ESAM: variants seen among roughly 807,000 people sequenced by gnomAD.
ESAM encodes the protein endothelial cell-selective adhesion molecule.
ESAM carries 23 observed loss-of-function variants against 31.8 expected under a neutral mutation model. The ratio of observed to expected loss-of-function variants is 0.72; its 90% CI spans 0.52 to 1.03. The LOEUF is 1.03. ESAM is among the 50% of genes least tolerant of loss of function. The pLI, the probability that ESAM is intolerant of heterozygous loss-of-function variation, is 0.00. For synonymous variants in ESAM, 216 were observed against 207.2 expected, an observed-to-expected ratio of 1.04 and a Z score of -0.37; for missense variants, 478 against 488.9, an observed-to-expected ratio of 0.98 and a Z score of 0.21.
chr11:124,753,598 A>AT lies in ESAM; in HGVS notation c.*47dup, dbSNP rs1463258758. On this transcript the variant is annotated 3_prime_UTR_variant, in exon 7 of 7. Transcript: ENST00000278927. ...GGCCTCTGTGCTAGAGGTGACCCTT[A>AT]TAGGAAGGAGAGACCCCAAATCCTT... is the stretch of plus-strand genomic sequence containing the variant. The AT allele has an allele frequency of 6.2e-7, 1 of 1,604,660 alleles. No homozygotes were observed. The highest frequency in any genetic ancestry group is 1.3e-5 in the African/African-American group (1 of 74,792).
rs1944138019 is a variant in ESAM at position 124,754,894 on chromosome 11, G to A, written c.608-131C>T. 8.1e-7 allele frequency: 1 copy of A among 1,231,516 alleles called. No individual in the cohort carries two copies. The highest frequency in any genetic ancestry group is 1.1e-6 in the Non-Finnish European group (1 of 905,856). The allele number at this position is 1,231,516 out of a possible 1,614,324, so 76.3% of individuals were successfully genotyped here. ...ACGGCTTGTCTATTCCCTGATGGGG[G>A]GAGAGGTGTGACAGCTGGGCTTGGC... On this transcript the variant is annotated intron_variant, in intron 4 of 6. Transcript: ENST00000278927. This position sits in a 1 kb window ranked among gnomAD's most constrained non-coding sequence, Gnocchi z 4.5.
At chr11:124,755,889 T>C (rs901049817) in intron 4 of ESAM, among the ~76,000 whole-genome samples, 1 of 152,210 alleles carries the variant, frequency 6.6e-6, no homozygotes, top group Non-Finnish European at 1.5e-5. Flanking sequence ...TTCAAGCTGA[T>C]ATGTGTAAAA....
Position 124,758,467 on chromosome 11 carries a change from T to A in ESAM, c.131A>T (p.Glu44Val). 1 of 1,612,048 alleles carries A rather than the reference T, an allele frequency of 6.2e-7. No individual in the cohort carries two copies. The highest frequency in any genetic ancestry group is 8.5e-7 in the Non-Finnish European group (1 of 1,179,100). The change falls in exon 2 of 7, where the codon GAG becomes GTG. Residue 44 changes from glutamate to valine, a missense_variant. Coordinates refer to ENST00000278927, the MANE Select transcript of ESAM (RefSeq NM_138961.3). ...CGCTGGAAGCACCACTTCCCCTCCC[T>A]CCACCGCCTGCAACCGGTTGGCGGG... ...HLPANRLQAVEGGEVVLPAWY... is the reference protein window; with the variant it reads ...HLPANRLQAVVGGEVVLPAWY...
Position 124,756,466 on chromosome 11 carries a change from T to G in ESAM, c.451+75A>C. The G allele has an allele frequency of 1.9e-6, 3 of 1,589,836 alleles. No homozygotes were observed. The South Asian group carries it at 3.4e-5, about 18-fold the overall frequency. ...CTTCATTTGTTCCTCCTCCAACTTT[T>G]GTCATTTAGGAGAGAGACTCACCAG... On this transcript the variant is annotated intron_variant, in intron 3 of 6. Coordinates refer to ENST00000278927, the MANE Select transcript of ESAM (RefSeq NM_138961.3).
chr11:124,756,256 C>T lies in ESAM; in HGVS notation c.558G>A (p.Gln186=), dbSNP rs1944152646. ...SPRSKPAVQY[Q]WDRQLPSFQT... is the part of the protein sequence containing the mutation. The stretch of plus-strand genomic sequence containing the variant: ...GGAAGGATGGAAGCTGCCGATCCCA[C>T]TGGTATTGGACAGCGGGCTTACTCC... The change falls in exon 4 of 7, where the codon CAG becomes CAA. Residue 186 remains glutamine (Q), a synonymous_variant. Transcript: ENST00000278927. 6.2e-7 allele frequency: 1 copy of T among 1,614,200 alleles called. No individual in the cohort carries two copies. The highest frequency in any genetic ancestry group is 8.5e-7 in the Non-Finnish European group (1 of 1,180,038).
At chr11:124,758,109 G>C (rs776544534) in intron 2 of ESAM, among the ~76,000 whole-genome samples, 5 of 152,148 alleles carry the variant, frequency 3.3e-5, no homozygotes, top group Non-Finnish European at 7.4e-5. Flanking sequence ...CAAGTAAAAT[G>C]CCTCTCACAC....
At position 124,754,305 on chromosome 11, in the gene ESAM, C is replaced by A; in HGVS notation, c.766G>T (p.Gly256Cys). The A allele has an allele frequency of 6.2e-7, 1 of 1,614,086 alleles. No homozygotes were observed. ...GAAVVAGAVV[G>C]TLVGLGLLAG... ...AGCAACCCCAGTCCAACCAGGGTACCCACAACAGCTCCAGCAACCACTGCA... is the reference window on the plus strand; with the variant it reads ...AGCAACCCCAGTCCAACCAGGGTACACACAACAGCTCCAGCAACCACTGCA... Residue 256 changes from glycine to cysteine, a missense_variant, in exon 6 of 7, where the codon GGT becomes TGT. Physicochemically the swap from Gly to Cys is radical, Grantham distance 159. Transcript: ENST00000278927. The surrounding 1 kb of genome is among the most constrained non-coding windows in gnomAD (Gnocchi z 4.5).
At position 124,756,611 on chromosome 11, in the gene ESAM, G is replaced by A. The variant is rs545657734; in HGVS notation, c.381C>T (p.Ser127=). The A allele has an allele frequency of 8.1e-6, 13 of 1,614,042 alleles. No individual in the cohort carries two copies. Among genetic ancestry groups the A allele is most frequent in the Middle Eastern group, 1.7e-4 (1 of 6,060 alleles). ...TGCCTTGTTTGTCTTGCACATTCAC[G>A]GAGCAGCTGTAGGGGCCAGAGTCTT... ...QEKDSGPYSC[S]VNVQDKQGKS... The change falls in exon 3 of 7, where the codon TCC becomes TCT. Residue 127 remains serine (S), a synonymous_variant. Coordinates refer to ENST00000278927, the MANE Select transcript of ESAM (RefSeq NM_138961.3).
rs1461363145 is a variant in ESAM at position 124,756,347 on chromosome 11, G to A, written c.467C>T (p.Pro156Leu). 9 of 1,604,212 alleles carry A rather than the reference G, an allele frequency of 5.6e-6. No individual in the cohort carries two copies. In the Admixed American group the frequency reaches 1.6e-4, roughly 28 times the overall value. Residue 156 changes from proline (P) to leucine (L), a missense_variant, in exon 4 of 7, where the codon CCA (proline) becomes CTA (leucine). Coordinates refer to ENST00000278927, the MANE Select transcript of ESAM (RefSeq NM_138961.3). ...GGGCACACCCTGGAGACGGCAGGAT[G>A]GAGGAGCTGGAGGAACTGGGCAGGG... ...ELNVLVPPAP[P>L]SCRLQGVPHV...
Position 124,754,519 on chromosome 11 carries a change from T to G in ESAM, c.730+122A>C. ...CTGACCAACCATTTGTACAAACATTTGATCAGGGGAAGCTCCGTGCCCTGC... is the reference window on the plus strand; with the variant it reads ...CTGACCAACCATTTGTACAAACATTGGATCAGGGGAAGCTCCGTGCCCTGC... On this transcript the variant is annotated intron_variant, in intron 5 of 6. Transcript: ENST00000278927. The surrounding 1 kb of genome is among the most constrained non-coding windows in gnomAD (Gnocchi z 4.5). The G allele has an allele frequency of 1.3e-6, 2 of 1,511,844 alleles. No homozygotes were observed. Among genetic ancestry groups the G allele is most frequent in the South Asian group, 1.3e-5 (1 of 75,808 alleles). 93.7% of individuals were successfully genotyped at this position (1,511,844 alleles called of 1,614,324 possible). A position where few individuals can be genotyped will look rare whatever the true frequency, so the allele number is the denominator to read the frequency against.
chr11:124,758,253 C>T, intron 2 of ESAM, 96 bp downstream of exon 2: 1 of 1,438,582 alleles, frequency 7.0e-7, no homozygotes, highest in Non-Finnish European at 9.7e-7. Context: ...TCCCCGGCCC[C>T]CATTCCCTCT....
chr11:124,761,640 C>G (rs1429070258), intron 1 of ESAM, among the ~76,000 whole-genome samples: 1 of 152,160 alleles, frequency 6.6e-6, no homozygotes, highest in African/African-American at 2.4e-5. Context: ...GTGTGTCAAG[C>G]CTGGGGACCA....
In ESAM at chr11:124,754,891, G is replaced by GGGGGAGA. The variant is rs566013263; in HGVS notation, c.608-135_608-129dup. Reference sequence around the variant, plus strand: ...GTCACGGCTTGTCTATTCCCTGATGGGGGGAGAGGTGTGACAGCTGGGCTT... The same window carrying GGGGGAGA: ...GTCACGGCTTGTCTATTCCCTGATGGGGGGAGAGGGGAGAGGTGTGACAGCTGGGCTT... On this transcript the variant is annotated intron_variant, in intron 4 of 6. Transcript: ENST00000278927. The surrounding 1 kb of genome is among the most constrained non-coding windows in gnomAD (Gnocchi z 4.5). The GGGGGAGA allele has an allele frequency of 4.0e-5, 50 of 1,263,010 alleles. No homozygotes were observed. The East Asian group carries it at 6.3e-4, about 16-fold the overall frequency. The allele number at this position is 1,263,010 out of a possible 1,614,324, so 78.2% of individuals were successfully genotyped here. A position where few individuals can be genotyped will look rare whatever the true frequency, so the allele number is the denominator to read the frequency against.
At position 124,753,970 on chromosome 11, in the gene ESAM, CA is replaced by C; in HGVS notation, c.858-10del. 6.2e-7 allele frequency: 1 copy of C among 1,612,154 alleles called. No homozygotes were observed. Among genetic ancestry groups the C allele is most frequent in the African/African-American group, 1.3e-5 (1 of 74,994 alleles). On this transcript the variant is annotated splice_polypyrimidine_tract_variant and intron_variant, in intron 6 of 6. Coordinates refer to ENST00000278927, the MANE Select transcript of ESAM (RefSeq NM_138961.3). ...GAGCAATGGCATCCTCCCTAGTCATCAAAGAAATAACAAGAGGTCAGAAGTG... is the reference window on the plus strand; with the variant it reads ...GAGCAATGGCATCCTCCCTAGTCATCAAGAAATAACAAGAGGTCAGAAGTG...
At position 124,756,376 on chromosome 11, in the gene ESAM, G is replaced by A; in HGVS notation, c.452-14C>T. ...GAGCTGGAGGAACTGGGCAGGGGGA[G>A]ACAGATTAAAACCACACCCAGGAGA... On this transcript the variant is annotated splice_polypyrimidine_tract_variant and intron_variant, in intron 3 of 6. Coordinates refer to ENST00000278927, the MANE Select transcript of ESAM (RefSeq NM_138961.3). 6.3e-7 allele frequency: 1 copy of A among 1,591,250 alleles called. No homozygotes were observed. The highest frequency in any genetic ancestry group is 8.6e-7 in the Non-Finnish European group (1 of 1,168,262).
Position 124,756,704 on chromosome 11 carries a change from A to G in ESAM, c.288T>C (p.Pro96=). The G allele has an allele frequency of 6.2e-7, 1 of 1,614,132 alleles. No individual in the cohort carries two copies. Among genetic ancestry groups the G allele is most frequent in the Non-Finnish European group, 8.5e-7 (1 of 1,180,036 alleles). ...GCATGGAGTAGACCAAGGATACTCC[A>G]GGTTTGCTTGTTGTGACCCCATTGA... ...SYINGVTTSK[P]GVSLVYSMPS... is the part of the protein sequence containing the mutation. Residue 96 remains proline (P), a synonymous_variant, in exon 3 of 7, where the codon CCT becomes CCC. Transcript: ENST00000278927.
intron 2 of ESAM, 54 bp from the exon 3 acceptor site, chr11:124,756,796 A>T: frequency 6.5e-7 from 1 of 1,534,756 alleles, no homozygotes; most frequent in Non-Finnish European, 8.8e-7. Flanking sequence ...TACTGTGCCT[A>T]CAGGCTCAGC....
Position 124,754,179 on chromosome 11 carries a change from G to C in ESAM, c.857+35C>G. 6.2e-7 allele frequency: 1 copy of C among 1,605,592 alleles called. No homozygotes were observed. Among genetic ancestry groups the C allele is most frequent in the South Asian group, 1.1e-5 (1 of 89,644 alleles). Reference sequence around the variant, plus strand: ...CCAGCCTCTGTGAGGAGAGCTGGGAGAGCCCCCGCTGCAGCAGACACCAGG... The same window carrying C: ...CCAGCCTCTGTGAGGAGAGCTGGGACAGCCCCCGCTGCAGCAGACACCAGG... On this transcript the variant is annotated intron_variant, in intron 6 of 6. Coordinates refer to ENST00000278927, the MANE Select transcript of ESAM (RefSeq NM_138961.3). The surrounding 1 kb of genome is among the most constrained non-coding windows in gnomAD (Gnocchi z 4.5).
At chr11:124,757,936 T>C (rs1944176312) in intron 2 of ESAM, among the ~76,000 whole-genome samples, 1 of 152,092 alleles carries the variant, frequency 6.6e-6, no homozygotes, top group Non-Finnish European at 1.5e-5. Context: ...TGGCCTCAAG[T>C]GATGTGCCCA....
Sources: gnomAD v4.1 joint callset for allele counts (sites outside exome capture counted in the v4.1 genomes callset) on GRCh38, gnomAD v4.1.1 for gene constraint, Gnocchi (gnomAD v3.1) non-coding constraint, MANE v1.5 for transcripts, NCBI Gene and HGNC (gene_info 2026-07-23, HGNC 2026-07-21) for gene names.